Variants in SAMHD1 observed in about 807,000 individuals in gnomAD.
SAMHD1 encodes deoxynucleoside triphosphate triphosphohydrolase SAMHD1.
A neutral mutation model predicts 79.6 loss-of-function variants in SAMHD1; 54 were observed. That is an observed-to-expected ratio of 0.68 (90% CI 0.55 to 0.85). The LOEUF is 0.85. Among genes scored for constraint, SAMHD1 ranks in the 40% least tolerant of loss-of-function variants. SAMHD1 has a pLI of 0.00. For missense variants in SAMHD1, 663 were observed against 782.7 expected (o/e 0.85, Z 1.82); for synonymous variants, 260 against 264.1 (o/e 0.98, Z 0.15).
Position 36,951,542 on chromosome 20 carries a change from C to A in SAMHD1, c.102G>T (p.Pro34=). 1.9e-6 allele frequency: 3 copies of A among 1,614,208 alleles called. No individual in the cohort carries two copies. Among genetic ancestry groups the A allele is most frequent in the Non-Finnish European group, 2.5e-6 (3 of 1,180,008 alleles). The part of the protein sequence containing the change: ...NTPSAEADWS[P]GLELHPDYKT... The stretch of plus-strand genomic sequence containing the variant: ...TGTAGTCGGGATGGAGTTCCAGGCC[C>A]GGGGACCAGTCTGCCTCTGCGGAAG... Residue 34 remains proline, a synonymous_variant, in exon 1 of 16, where the codon CCG becomes CCT. Coordinates refer to ENST00000646673, the MANE Select transcript of SAMHD1 (RefSeq NM_015474.4).
intron 6 of SAMHD1, among the ~76,000 whole-genome samples, chr20:36,921,720 C>T (rs62208119): frequency 1.1e-4 from 16 of 149,874 alleles, no homozygotes; most frequent in Admixed American, 8.7e-4. Context: ...TTTTTTTTCC[C>T]TCTTGTTGCC....
intron 1 of SAMHD1, among the ~76,000 whole-genome samples, chr20:36,950,579 A>T (rs2063727222): frequency 6.6e-6 from 1 of 152,194 alleles, no homozygotes; most frequent in Admixed American, 6.6e-5. Context: ...ATTCACAAGG[A>T]TGGATGCTTG....
intron 13 of SAMHD1, among the ~76,000 whole-genome samples, chr20:36,899,388 AC>A (rs1313804498): frequency 1.8e-4 from 28 of 152,130 alleles, no homozygotes; most frequent in African/African-American, 6.0e-4. Flanking sequence ...AGATTGCGCC[AC>A]TGCACTCCAG....
chr20:36,898,485 A>G lies in SAMHD1; in HGVS notation c.1563T>C (p.Tyr521=), dbSNP rs745419546. 3 of 1,614,094 alleles carry G rather than the reference A, an allele frequency of 1.9e-6. No homozygotes were observed. Among genetic ancestry groups the G allele is most frequent in the Non-Finnish European group, 2.5e-6 (3 of 1,179,988 alleles). The change falls in exon 14 of 16, where the codon TAT becomes TAC. Residue 521 remains tyrosine (Y), a synonymous_variant. Transcript: ENST00000646673. Reference sequence around the variant, plus strand: ...TTGCTCTGTTGGGGGCAGTCTTACAATAGAAGCTAACATGATCAATTGGAT... The same window carrying G: ...TTGCTCTGTTGGGGGCAGTCTTACAGTAGAAGCTAACATGATCAATTGGAT... The part of the protein sequence containing the change: ...EKNPIDHVSF[Y]CKTAPNRAIR...
intron 5 of SAMHD1, among the ~76,000 whole-genome samples, chr20:36,930,447 T>C (rs547222846): frequency 6.6e-6 from 1 of 151,528 alleles, no homozygotes; most frequent in East Asian, 1.9e-4. Context: ...AGTGAACCGA[T>C]AATGAGCCAC....
At chr20:36,919,714 C>A (rs573886861) in intron 6 of SAMHD1, among the ~76,000 whole-genome samples, 195 bp from the exon 7 acceptor site, 6 of 152,224 alleles carry the variant, frequency 3.9e-5, no homozygotes, top group Admixed American at 6.5e-5. Context: ...AGTCTACAAA[C>A]CTTTTACAAA....
chr20:36,947,554 GT>G, intron 1 of SAMHD1, among the ~76,000 whole-genome samples: 2 of 21,792 alleles, frequency 9.2e-5, no homozygotes, highest in South Asian at 2.5e-3. Flanking sequence ...GAAGAGGGGT[GT>G]GTGTGTGTGT....
intron 15 of SAMHD1, among the ~76,000 whole-genome samples, chr20:36,897,097 C>A (rs1280790606): frequency 6.6e-6 from 1 of 152,212 alleles, no homozygotes; most frequent in Non-Finnish European, 1.5e-5. Flanking sequence ...CTGGATCATG[C>A]CTTGTGGCAC....
chr20:36,944,843 G>A lies in SAMHD1; in HGVS notation c.275+1895C>T, dbSNP rs535870151. ...TGGGAGGTGAAGGTTGAGGTAAGAC[G>A]AGATCGTGCCATTGCACTCCAGCCT... On this transcript the variant is annotated intron_variant, in intron 2 of 15. Transcript: ENST00000646673. Among the ~76,000 whole-genome samples the A allele has an allele frequency of 7.2e-5, 11 of 152,142 alleles. No individual in the cohort carries two copies. The South Asian group carries it at 1.2e-3, about 17-fold the overall frequency.
chr20:36,934,542 A>AAAAAAAAAAAAAC (rs2063589211), intron 4 of SAMHD1: 1 of 144,586 alleles, frequency 6.9e-6, no homozygotes, highest in African/African-American at 2.6e-5. Context: ...AAAAAAAAAA[A>AAAAAAAAAAAAAC]AAGCCTCAAT....
chr20:36,919,354 A>C lies in SAMHD1; in HGVS notation c.852+10T>G, dbSNP rs1173566304. 6.2e-7 allele frequency: 1 copy of C among 1,613,048 alleles called. No individual in the cohort carries two copies. The highest frequency in any genetic ancestry group is 1.1e-5 in the South Asian group (1 of 91,054). On this transcript the variant is annotated intron_variant, in intron 7 of 15. Coordinates refer to ENST00000646673, the MANE Select transcript of SAMHD1 (RefSeq NM_015474.4). ...CCAGTCAGTTAAAATTAAGCTGTACATAAACTTACCAATGAATCTTCGACA... is the reference window on the plus strand; with the variant it reads ...CCAGTCAGTTAAAATTAAGCTGTACCTAAACTTACCAATGAATCTTCGACA...
At position 36,893,530 on chromosome 20, in the gene SAMHD1, T is replaced by G. The variant is rs191776064; in HGVS notation, c.1747-464A>C. 375 of 274,146 alleles carry G rather than the reference T, an allele frequency of 1.4e-3. 2 individuals are homozygous for G. The highest frequency in any genetic ancestry group is 1.9e-3 in the Non-Finnish European group (277 of 147,364). 17.0% of individuals were successfully genotyped at this position (274,146 alleles called of 1,614,324 possible). ...TTTAAATTTTTCTCTGCATCAAAGC[T>G]CTAACGTTGGTCCCATCAGCATAGG... On this transcript the variant is annotated intron_variant, in intron 15 of 15. Transcript: ENST00000646673.
chr20:36,894,087 G>A (rs1568757260), intron 15 of SAMHD1: 2 of 396,536 alleles, frequency 5.0e-6, no homozygotes, highest in Non-Finnish European at 4.4e-6. Flanking sequence ...TATCCTAGAG[G>A]TGGTAGCAGC....
chr20:36,898,659 A>T, intron 13 of SAMHD1, 115 bp from the exon 14 acceptor site: 1 of 798,140 alleles, frequency 1.3e-6, no homozygotes, highest in Non-Finnish European at 2.1e-6. Context: ...CATGCCTATA[A>T]TCCCAGCACT....
chr20:36,930,151 AAGCAGT>A (rs2063559851), intron 5 of SAMHD1, among the ~76,000 whole-genome samples: 1 of 152,042 alleles, frequency 6.6e-6, no homozygotes, highest in Admixed American at 6.5e-5. Flanking sequence ...ATCATCCTAA[AAGCAGT>A]AGTAAGAAAA....
chr20:36,935,126 T>G lies in SAMHD1; in HGVS notation c.412A>C (p.Thr138Pro). 6.2e-7 allele frequency: 1 copy of G among 1,613,750 alleles called. No individual in the cohort carries two copies. The highest frequency in any genetic ancestry group is 1.1e-5 in the South Asian group (1 of 91,084). ...TATCGAAGACGTTGAAATTGAGGTG[T>G]ATCAATGATTCGGACGAGGAGAGGG... Reference protein sequence around the residue: ...LHPLLVRIIDTPQFQRLRYIK... With the variant: ...LHPLLVRIIDPPQFQRLRYIK... The change falls in exon 4 of 16, where the codon ACA (threonine) becomes CCA (proline). Residue 138 changes from threonine (T) to proline (P), a missense_variant. Transcript: ENST00000646673.
chr20:36,948,745 TAG>T (rs1213835899), intron 1 of SAMHD1, among the ~76,000 whole-genome samples: 2 of 31,908 alleles, frequency 6.3e-5, no homozygotes, highest in East Asian at 0.12. Context: ...TGGGCACCTG[TAG>T]TCACAGCTAC....
rs1328663348 is a variant in SAMHD1 at position 36,930,807 on chromosome 20, TCACTTATCTG to T, written c.568_577del (p.Gln190AsnfsTer37). The T allele has an allele frequency of 6.2e-6, 10 of 1,613,954 alleles. No individual in the cohort carries two copies. Among genetic ancestry groups the T allele is most frequent in the Non-Finnish European group, 8.5e-6 (10 of 1,179,992 alleles). On this transcript the variant is annotated frameshift_variant, in exon 5 of 16. Coordinates refer to ENST00000646673, the MANE Select transcript of SAMHD1 (RefSeq NM_015474.4). LOFTEE classifies it high-confidence loss of function. ...AATCTGAACACAGAGAACATCTCGT[TCACTTATCTG>T]CAGCTCTGGTTGTTTTTCACCCAGT... is the stretch of plus-strand genomic sequence containing the variant.
At chr20:36,922,671 G>C (rs542763933) in intron 6 of SAMHD1, among the ~76,000 whole-genome samples, 1 of 152,116 alleles carries the variant, frequency 6.6e-6, no homozygotes, top group East Asian at 1.9e-4. Flanking sequence ...AAGCCACTGT[G>C]TCCAGTCTAA....
Sources: gnomAD v4.1 joint callset for allele counts (sites outside exome capture counted in the v4.1 genomes callset) on GRCh38, gnomAD v4.1.1 for gene constraint, MANE v1.5 for transcripts, NCBI Gene and HGNC (gene_info 2026-07-23, HGNC 2026-07-21) for gene names.